Variants in STXBP5L observed in about 807,000 individuals in gnomAD.
STXBP5L encodes the protein syntaxin binding protein 5L.
STXBP5L carries 65 observed loss-of-function variants against 144.5 expected under a neutral mutation model. The observed-to-expected ratio is 0.45, with a 90% CI of 0.37 to 0.55. STXBP5L has a LOEUF of 0.55. Among genes scored for constraint, STXBP5L ranks in the 20% least tolerant of loss-of-function variants. STXBP5L has a pLI of 0.00. For synonymous variants in STXBP5L, 505 were observed against 469.6 expected (o/e 1.08, Z -0.97); for missense variants, 1,298 against 1,405.5 (o/e 0.92, Z 1.22).
intron 2 of STXBP5L, among the ~76,000 whole-genome samples, chr3:120,942,160 C>G (rs1350419668): frequency 6.6e-5 from 10 of 151,606 alleles, no homozygotes; most frequent in Non-Finnish European, 3.0e-5. Flanking sequence ...TTTGAAGATA[C>G]TTTGAAAAGA....
At chr3:121,352,232 T>C (rs1418248746) in intron 20 of STXBP5L, among the ~76,000 whole-genome samples, 1 of 152,166 alleles carries the variant, frequency 6.6e-6, no homozygotes, top group Non-Finnish European at 1.5e-5. Context: ...AAGTCATTGG[T>C]AGCTTGATGG....
chr3:121,397,578 G>A (rs1483527424), intron 22 of STXBP5L, among the ~76,000 whole-genome samples: 1 of 152,100 alleles, frequency 6.6e-6, no homozygotes, highest in Non-Finnish European at 1.5e-5. Context: ...TATTTGGTGG[G>A]AACATCGTCT....
chr3:120,961,149 C>T (rs192386326), intron 3 of STXBP5L, among the ~76,000 whole-genome samples: 44 of 147,612 alleles, frequency 3.0e-4, no homozygotes, highest in African/African-American at 1.0e-3. Flanking sequence ...CTTTGTATTT[C>T]TGTGGTATGA....
chr3:121,083,336 C>T (rs2042338411), intron 5 of STXBP5L, among the ~76,000 whole-genome samples: 1 of 152,056 alleles, frequency 6.6e-6, no homozygotes, highest in Non-Finnish European at 1.5e-5. Context: ...TGAACGTTTT[C>T]CCTCTTGTAT....
At chr3:121,202,742 C>A (rs2048184836) in intron 9 of STXBP5L, among the ~76,000 whole-genome samples, 1 of 151,988 alleles carries the variant, frequency 6.6e-6, no homozygotes, top group Admixed American at 6.6e-5. Context: ...CATTGCCTTT[C>A]AGCCTCCATT....
At chr3:121,054,244 T>C (rs2107604820) in intron 5 of STXBP5L, among the ~76,000 whole-genome samples, 1 of 152,262 alleles carries the variant, frequency 6.6e-6, no homozygotes, top group South Asian at 2.1e-4. Context: ...TTACTGGGTA[T>C]ATACCCAAAG....
At chr3:121,318,148 T>C (rs1242599647) in intron 19 of STXBP5L, among the ~76,000 whole-genome samples, 1 of 152,026 alleles carries the variant, frequency 6.6e-6, no homozygotes, top group African/African-American at 2.4e-5. Flanking sequence ...TTTTCCTGTA[T>C]CACTTGTTTA....
intron 22 of STXBP5L, among the ~76,000 whole-genome samples, chr3:121,392,151 T>A (rs1370046499): frequency 6.6e-6 from 1 of 151,028 alleles, no homozygotes; most frequent in Non-Finnish European, 1.5e-5. Flanking sequence ...TGCAGATCAA[T>A]CTCAGACTGC....
intron 20 of STXBP5L, among the ~76,000 whole-genome samples, chr3:121,333,537 G>A (rs984544196): frequency 6.8e-6 from 1 of 146,500 alleles, no homozygotes; most frequent in Non-Finnish European, 1.5e-5. Flanking sequence ...CTGAACTGAA[G>A]GAGATTGGGA....
rs528634653 is a variant in STXBP5L at position 121,168,730 on chromosome 3, G to A, written c.877+11103G>A. On this transcript the variant is annotated intron_variant, in intron 9 of 26. Transcript: ENST00000471454. Reference sequence around the variant, plus strand: ...CTATGTTTGATTGGTGTACCTAAAAGTGAAGGAGAGTATGGAACCAAGCTG... The same window carrying A: ...CTATGTTTGATTGGTGTACCTAAAAATGAAGGAGAGTATGGAACCAAGCTG... Among the ~76,000 whole-genome samples the A allele has an allele frequency of 4.1e-4, 62 of 152,292 alleles. 1 individual carries two copies. In the South Asian group the frequency reaches 0.012, roughly 29 times the overall value.
chr3:121,401,792 C>A (rs1407771356), intron 22 of STXBP5L, among the ~76,000 whole-genome samples: 2 of 130,454 alleles, frequency 1.5e-5, no homozygotes, highest in Non-Finnish European at 1.6e-5. Flanking sequence ...ATACCTAATG[C>A]TAGATGACAC....
chr3:121,337,687 A>T (rs182271914), intron 20 of STXBP5L, among the ~76,000 whole-genome samples: 39 of 152,230 alleles, frequency 2.6e-4, no homozygotes, highest in African/African-American at 9.1e-4. Context: ...TTGTACTTAA[A>T]CTGCATTCTA....
At chr3:121,193,964 CATATAATA>C (rs1367600051) in intron 9 of STXBP5L, among the ~76,000 whole-genome samples, 6 of 72,326 alleles carry the variant, frequency 8.3e-5, no homozygotes, top group African/African-American at 1.8e-4. Context: ...TAGAAGTTAA[CATATAATA>C]ATAATAATAA....
rs143723098 is a variant in STXBP5L at position 121,324,213 on chromosome 3, T to C, written c.2176+5673T>C. Among the ~76,000 whole-genome samples, 455 of 152,206 alleles carry C rather than the reference T, an allele frequency of 3.0e-3. 2 individuals are homozygous for C. Among genetic ancestry groups the C allele is most frequent in the Non-Finnish European group, 2.3e-3 (159 of 67,958 alleles). On this transcript the variant is annotated intron_variant, in intron 20 of 26. Coordinates refer to ENST00000471454, the MANE Select transcript of STXBP5L (RefSeq NM_001308330.2). ...AACAAAGGAGTATCAAACTCTGTTG[T>C]TCTCAGGATTGGGTCAGAGCTTGGT... is the stretch of plus-strand genomic sequence containing the variant.
intron 5 of STXBP5L, among the ~76,000 whole-genome samples, chr3:121,059,328 C>G (rs1424420904): frequency 6.6e-6 from 1 of 152,088 alleles, no homozygotes; most frequent in Non-Finnish European, 1.5e-5. Context: ...TTCCATAGGT[C>G]TGTATATCTG....
chr3:121,142,395 G>A (rs1437149319), intron 7 of STXBP5L, among the ~76,000 whole-genome samples: 1 of 151,856 alleles, frequency 6.6e-6, no homozygotes, highest in Non-Finnish European at 1.5e-5. Flanking sequence ...TAACACTATA[G>A]ACCAAATGGA....
At chr3:120,925,508 GGAATATCTTTTTC>G (rs773365848) in intron 2 of STXBP5L, among the ~76,000 whole-genome samples, 21 of 152,066 alleles carry the variant, frequency 1.4e-4, no homozygotes, top group Non-Finnish European at 1.5e-4. Context: ...CCAGTTGCAT[GGAATATCTTTTTC>G]CACCCCTTCA....
chr3:121,411,968 A>G (rs1484924459), intron 23 of STXBP5L, among the ~76,000 whole-genome samples: 2 of 152,168 alleles, frequency 1.3e-5, no homozygotes, highest in African/African-American at 4.8e-5. Flanking sequence ...TGCCCCTGAA[A>G]TTGCTGGCCA....
chr3:121,167,419 AAAC>A (rs1299737688), intron 9 of STXBP5L, among the ~76,000 whole-genome samples: 1 of 152,194 alleles, frequency 6.6e-6, no homozygotes, highest in Non-Finnish European at 1.5e-5. Flanking sequence ...TTCTCATCAA[AAAC>A]AACAACAGGT....
Sources: gnomAD v4.1 joint callset for allele counts (sites outside exome capture counted in the v4.1 genomes callset) on GRCh38, gnomAD v4.1.1 for gene constraint, MANE v1.5 for transcripts, NCBI Gene and HGNC (gene_info 2026-07-23, HGNC 2026-07-21) for gene names.